Variants in DOCK3 observed in about 807,000 individuals in gnomAD.
The protein encoded by DOCK3 is dedicator of cytokinesis 3, also known as dedicator of cytokinesis protein 3.
In DOCK3, 60 loss-of-function variants were observed where a neutral mutation model predicts 265.6. The observed-to-expected ratio is 0.23, with a 90% CI of 0.18 to 0.28. The LOEUF is 0.28. DOCK3 is among the 10% of genes least tolerant of loss of function. The pLI is 1.00. For synonymous variants in DOCK3, 881 were observed against 938.0 expected, an observed-to-expected ratio of 0.94 and a Z score of 1.11; for missense variants, 1,981 against 2,594.3, an observed-to-expected ratio of 0.76 and a Z score of 5.14.
intron 12 of DOCK3, among the ~76,000 whole-genome samples, chr3:51,166,303 A>T (rs2086404731): frequency 6.6e-6 from 1 of 152,094 alleles, no homozygotes. Flanking sequence ...CGCCTGCCTC[A>T]GCCTCCCAAA....
At chr3:51,040,396 T>C (rs2080435582) in intron 5 of DOCK3, among the ~76,000 whole-genome samples, 1 of 152,204 alleles carries the variant, frequency 6.6e-6, no homozygotes. Flanking sequence ...AAAATTATGC[T>C]GAAACTATAC....
intron 14 of DOCK3, among the ~76,000 whole-genome samples, chr3:51,223,988 A>T (rs987238505): frequency 6.6e-6 from 1 of 152,158 alleles, no homozygotes; most frequent in Admixed American, 6.6e-5. Context: ...AAGATTCCAG[A>T]CTCATCAGAA....
intron 5 of DOCK3, among the ~76,000 whole-genome samples, chr3:50,967,066 T>A (rs536556728): frequency 9.2e-5 from 14 of 152,322 alleles, no homozygotes; most frequent in African/African-American, 3.4e-4. Flanking sequence ...TTCTAGCTAT[T>A]TTGAAATATA....
At chr3:50,771,617 C>A (rs2041280574) in intron 1 of DOCK3, among the ~76,000 whole-genome samples, 2 of 151,978 alleles carry the variant, frequency 1.3e-5, no homozygotes, top group South Asian at 4.2e-4. Context: ...TTTGGGAGGC[C>A]CAGGTGGGTG....
At chr3:51,380,025 G>A (rs926288581) in intron 51 of DOCK3, 100 bp from the exon 52 acceptor site, 6 of 1,137,506 alleles carry the variant, frequency 5.3e-6, no homozygotes, top group Non-Finnish European at 7.6e-6. Context: ...GGTCCCCAGG[G>A]GACTCTTCTC....
intron 36 of DOCK3, among the ~76,000 whole-genome samples, chr3:51,338,625 A>T (rs975953471): frequency 6.6e-6 from 1 of 152,074 alleles, no homozygotes; most frequent in Non-Finnish European, 1.5e-5. Context: ...TTCTCTTTGG[A>T]TAGAACTCTA....
At chr3:50,736,857 C>T (rs527696332) in intron 1 of DOCK3, among the ~76,000 whole-genome samples, 174 of 151,098 alleles carry the variant, frequency 1.2e-3, no homozygotes, top group Middle Eastern at 0.01. Context: ...CCACCATGCC[C>T]GGCTAATTTT....
chr3:50,925,116 T>G (rs1284798635), intron 4 of DOCK3, among the ~76,000 whole-genome samples: 1 of 152,178 alleles, frequency 6.6e-6, no homozygotes, highest in Non-Finnish European at 1.5e-5. Context: ...CCTTTTATCT[T>G]AATTTTAATG....
chr3:50,804,912 A>G (rs2043322294), intron 2 of DOCK3, among the ~76,000 whole-genome samples: 1 of 152,184 alleles, frequency 6.6e-6, no homozygotes, highest in African/African-American at 2.4e-5. Flanking sequence ...TATTCAAATC[A>G]TGCGTTGATT....
At chr3:50,716,587 A>ATT (rs35490586) in intron 1 of DOCK3, among the ~76,000 whole-genome samples, 3 of 147,380 alleles carry the variant, frequency 2.0e-5, no homozygotes, top group Non-Finnish European at 3.0e-5. Context: ...ATATATATTT[A>ATT]TTTTTTTTTT....
chr3:50,982,589 G>A (rs1472364563), intron 5 of DOCK3, among the ~76,000 whole-genome samples: 1 of 152,194 alleles, frequency 6.6e-6, no homozygotes, highest in African/African-American at 2.4e-5. Flanking sequence ...CTGTGTTGCT[G>A]CTCTCACCTG....
At chr3:51,154,836 C>A (rs927895866) in intron 10 of DOCK3, among the ~76,000 whole-genome samples, 1 of 152,118 alleles carries the variant, frequency 6.6e-6, no homozygotes, top group Non-Finnish European at 1.5e-5. Context: ...AGCCCAGAGG[C>A]CAAAGCTATA....
At chr3:50,812,974 T>G (rs537440540) in intron 2 of DOCK3, among the ~76,000 whole-genome samples, 1 of 152,264 alleles carries the variant, frequency 6.6e-6, no homozygotes, top group African/African-American at 2.4e-5. Context: ...TGAGATTTGT[T>G]TCAATTTTAT....
intron 3 of DOCK3, among the ~76,000 whole-genome samples, chr3:50,876,091 G>A (rs1035399333): frequency 6.6e-6 from 1 of 151,916 alleles, no homozygotes; most frequent in African/African-American, 2.4e-5. Flanking sequence ...TTTCCAGTCT[G>A]TTTCTGAGAA....
chr3:51,331,805 T>A (rs769870281), intron 33 of DOCK3, among the ~76,000 whole-genome samples: 11 of 151,852 alleles, frequency 7.2e-5, no homozygotes, highest in Non-Finnish European at 1.6e-4. Context: ...AAAGAAAAAA[T>A]AAAGGATATG....
chr3:51,146,774 G>T, intron 10 of DOCK3, 144 bp downstream of exon 10: 1 of 671,296 alleles, frequency 1.5e-6, no homozygotes, highest in Non-Finnish European at 2.4e-6. Flanking sequence ...TTTCTATTAG[G>T]TTTTAATGAA....
intron 1 of DOCK3, among the ~76,000 whole-genome samples, chr3:50,775,453 T>A (rs2108498197): frequency 6.7e-6 from 1 of 148,624 alleles, no homozygotes; most frequent in Admixed American, 6.7e-5. Flanking sequence ...TGATTGCTGA[T>A]ACTGATAATT....
intron 1 of DOCK3, among the ~76,000 whole-genome samples, chr3:50,741,225 A>C (rs989101987): frequency 1.3e-5 from 2 of 151,900 alleles, no homozygotes; most frequent in African/African-American, 2.4e-5. Flanking sequence ...TACTGTGAAT[A>C]ATCTATGAAC....
At chr3:51,132,475 G>A (rs142392601) in intron 9 of DOCK3, among the ~76,000 whole-genome samples, 57 of 152,216 alleles carry the variant, frequency 3.7e-4, no homozygotes, top group African/African-American at 1.3e-3. Context: ...TATCTTGCCT[G>A]GCAACTGCCT....
Sources: allele counts gnomAD v4.1 joint callset (sites outside exome capture counted in the v4.1 genomes callset), GRCh38; gene constraint gnomAD v4.1.1; transcripts MANE v1.5; gene names NCBI Gene and HGNC (gene_info 2026-07-23, HGNC 2026-07-21).